ZAP70: variants seen among roughly 807,000 people sequenced by gnomAD.
ZAP70 encodes zeta chain of T cell receptor associated protein kinase 70.
ZAP70 carries 27 observed loss-of-function variants against 65.8 expected under a neutral mutation model. The observed-to-expected ratio is 0.41, with a 90% CI of 0.30 to 0.57. The LOEUF is 0.57. ZAP70 is among the 20% of genes least tolerant of loss of function. The pLI is 0.28. For synonymous variants in ZAP70, 363 were observed against 360.8 expected (o/e 1.01, Z -0.07); for missense variants, 696 against 870.5 (o/e 0.80, Z 2.52).
chr2:97,755,663 G>A, the ZAP70 span, among the ~76,000 whole-genome samples: 1 of 152,180 alleles, frequency 6.6e-6, no homozygotes, highest in Non-Finnish European at 1.5e-5. Flanking sequence ...CTGCTGGTAA[G>A]CTCCCACAGG....
the ZAP70 span, among the ~76,000 whole-genome samples, chr2:97,746,163 G>A: frequency 6.6e-6 from 1 of 152,192 alleles, no homozygotes; most frequent in South Asian, 2.1e-4. Context: ...CCAGGAGCTG[G>A]GGGGAGTAGG....
In ZAP70 at chr2:97,739,658, G is replaced by GCAA; in HGVS notation, c.*160_*161insCAA. The GCAA allele has an allele frequency of 8.5e-7, 1 of 1,170,862 alleles. No homozygotes were observed. Among genetic ancestry groups the GCAA allele is most frequent in the South Asian group, 1.5e-5 (1 of 66,742 alleles). 72.5% of individuals were successfully genotyped at this position (1,170,862 alleles called of 1,614,324 possible). A position where few individuals can be genotyped will look rare whatever the true frequency, so the allele number is the denominator to read the frequency against. On this transcript the variant is annotated 3_prime_UTR_variant, in exon 14 of 14. Coordinates refer to ENST00000264972, the MANE Select transcript of ZAP70 (RefSeq NM_001079.4). Reference sequence around the variant, plus strand: ...CACACCGGCCTTGCATTGCCTGCCTGGCCCCCTGTCCTCTCTGGCTGGGGA... The same window carrying GCAA: ...CACACCGGCCTTGCATTGCCTGCCTGCAAGCCCCCTGTCCTCTCTGGCTGGGGA...
At position 97,737,793 on chromosome 2, in the gene ZAP70, G is replaced by A. The variant is rs1490601314; in HGVS notation, c.1519G>A (p.Ala507Thr). Residue 507 changes from alanine to threonine, a missense_variant, in exon 12 of 14, where the codon GCA becomes ACA. Around this residue, in one of 3 missense-constraint regions of ZAP70, gnomAD observed 67 missense variants for 151.9 expected, o/e 0.44. Transcript: ENST00000264972. This position sits in a 1 kb window ranked among gnomAD's most constrained non-coding sequence, Gnocchi z 5.0. ...SAGKWPLKWY[A>T]PECINFRKFS... ...AGGGAAGTGGCCGCTCAAGTGGTAC[G>A]CACCCGAATGCATCAACTTCCGCAA... 2 of 1,614,118 alleles carry A rather than the reference G, an allele frequency of 1.2e-6. No individual in the cohort carries two copies. The highest frequency in any genetic ancestry group is 1.7e-6 in the Non-Finnish European group (2 of 1,179,990).
rs757286783 is a variant in ZAP70 at position 97,733,291 on chromosome 2, C to G, written c.791-6C>G. On this transcript the variant is annotated splice_region_variant and splice_polypyrimidine_tract_variant and intron_variant, in intron 6 of 13. Transcript: ENST00000264972. ...CCAGCCCTCACTGTCCCTTCTGCTC[C>G]CCCAGGGGCTGCTGCTCCCACACTC... is the stretch of plus-strand genomic sequence containing the variant. 6.2e-7 allele frequency: 1 copy of G among 1,605,402 alleles called. No homozygotes were observed. Among genetic ancestry groups the G allele is most frequent in the South Asian group, 1.1e-5 (1 of 90,056 alleles).
At chr2:97,726,476 C>T (rs752824212) in intron 4 of ZAP70, among the ~76,000 whole-genome samples, 2 of 152,288 alleles carry the variant, frequency 1.3e-5, no homozygotes, top group African/African-American at 2.4e-5. Flanking sequence ...CTCGTGAGTG[C>T]TTCTTGGCCT....
chr2:97,749,848 G>A, the ZAP70 span, among the ~76,000 whole-genome samples: 9 of 152,322 alleles, frequency 5.9e-5, no homozygotes, highest in South Asian at 6.2e-4. Context: ...GGATGAGGGC[G>A]TGGGAGGAGG....
At chr2:97,754,395 GT>G in the ZAP70 span, among the ~76,000 whole-genome samples, 1 of 151,996 alleles carries the variant, frequency 6.6e-6, no homozygotes, top group Admixed American at 6.6e-5. Flanking sequence ...TGCCAATACA[GT>G]TTTTTTCTTA....
intron 4 of ZAP70, among the ~76,000 whole-genome samples, chr2:97,730,179 G>T (rs187763588): frequency 3.9e-5 from 6 of 152,238 alleles, no homozygotes; most frequent in Admixed American, 3.3e-4. Context: ...GTGAGCCAAG[G>T]TTGCACCATT....
intron 10 of ZAP70, among the ~76,000 whole-genome samples, chr2:97,735,934 C>A (rs1463291836): frequency 1.3e-5 from 2 of 152,074 alleles, no homozygotes; most frequent in Non-Finnish European, 2.9e-5. Flanking sequence ...CTTGAACCCA[C>A]GAGGCGGAGC....
In ZAP70 at chr2:97,739,371, A is replaced by C. The variant is rs1678048369; in HGVS notation, c.1737-4A>C. The C allele has an allele frequency of 6.2e-7, 1 of 1,613,208 alleles. No individual in the cohort carries two copies. The highest frequency in any genetic ancestry group is 8.5e-7 in the Non-Finnish European group (1 of 1,179,808). On this transcript the variant is annotated splice_region_variant and splice_polypyrimidine_tract_variant and intron_variant, in intron 13 of 13. Transcript: ENST00000264972. ...GCAGCCTGGATGTACCCCACGCCCC[A>C]CAGGTGGGAGGATCGCCCCGACTTC... is the stretch of plus-strand genomic sequence containing the variant.
intron 2 of ZAP70, among the ~76,000 whole-genome samples, chr2:97,719,666 C>A (rs1677086992): frequency 6.6e-6 from 1 of 152,028 alleles, no homozygotes; most frequent in Non-Finnish European, 1.5e-5. Flanking sequence ...TTTTTAGTGT[C>A]CATTGTGTCT....
At chr2:97,735,193 G>A (rs937477987) in intron 9 of ZAP70, 57 bp from the exon 10 acceptor site, 182 of 1,533,800 alleles carry the variant, frequency 1.2e-4, no homozygotes, top group Non-Finnish European at 1.6e-4. Flanking sequence ...TGGGGGTGTG[G>A]GGCCGAGCAG....
At chr2:97,734,846 G>A (rs2104694848) in intron 9 of ZAP70, 134 bp downstream of exon 9, 2 of 1,236,298 alleles carry the variant, frequency 1.6e-6, no homozygotes, top group Non-Finnish European at 2.3e-6. Flanking sequence ...GGGGCAGGAC[G>A]TTGCACGCTG....
intron 8 of ZAP70, chr2:97,734,272 C>T (rs1165990536): frequency 1.4e-5 from 16 of 1,106,554 alleles, no homozygotes; most frequent in Non-Finnish European, 1.7e-5. Context: ...AACGGTGCCA[C>T]GTGGATACCA....
chr2:97,723,680 T>A (rs1445156142), intron 2 of ZAP70, among the ~76,000 whole-genome samples: 1 of 152,224 alleles, frequency 6.6e-6, no homozygotes, highest in African/African-American at 2.4e-5. Context: ...AGCGTGCATA[T>A]CCCCAGCACC....
intron 2 of ZAP70, among the ~76,000 whole-genome samples, chr2:97,719,383 C>T (rs1271076184): frequency 6.6e-6 from 1 of 151,708 alleles, no homozygotes; most frequent in Non-Finnish European, 1.5e-5. Context: ...GGTCAGAGGG[C>T]AGAGGCAAGC....
chr2:97,727,390 T>G (rs1677432060), intron 4 of ZAP70, among the ~76,000 whole-genome samples: 1 of 152,250 alleles, frequency 6.6e-6, no homozygotes, highest in African/African-American at 2.4e-5. Flanking sequence ...GGGCCTGCCC[T>G]GCTGCATCTG....
intron 3 of ZAP70, chr2:97,724,757 G>A: frequency 6.6e-7 from 1 of 1,504,970 alleles, no homozygotes; most frequent in Non-Finnish European, 8.9e-7. Flanking sequence ...GGTGCGCGGG[G>A]CTAGGGTGAG....
In ZAP70 at chr2:97,731,858, T is replaced by G. The variant is rs541191053; in HGVS notation, c.564-1025T>G. Among the ~76,000 whole-genome samples the G allele has an allele frequency of 1.4e-4, 22 of 152,276 alleles. No homozygotes were observed. The highest frequency in any genetic ancestry group is 3.3e-4 in the Admixed American group (5 of 15,310). ...CTCTTCTGTAGTGCAGTGCAATCCC[T>G]GAGATCAGGAGTCGGCTGCTTCCGG... On this transcript the variant is annotated intron_variant, in intron 4 of 13. Transcript: ENST00000264972. The surrounding 1 kb of genome is among the most constrained non-coding windows in gnomAD (Gnocchi z 4.0).
Sources: allele counts gnomAD v4.1 joint callset (sites outside exome capture counted in the v4.1 genomes callset), GRCh38; gene constraint gnomAD v4.1.1; regional missense constraint gnomAD v4.1.1; non-coding constraint Gnocchi (gnomAD v3.1); transcripts MANE v1.5; gene names NCBI Gene and HGNC (gene_info 2026-07-23, HGNC 2026-07-21).